The following ATG10 variants were observed in gnomAD, a reference collection of about 807,000 sequenced individuals.
ATG10 encodes autophagy related 10, also known as ubiquitin-like-conjugating enzyme ATG10.
ATG10 carries 30 observed loss-of-function variants against 32.1 expected under a neutral mutation model. That is an observed-to-expected ratio of 0.94 (90% CI 0.70 to 1.27). ATG10 has a LOEUF of 1.27. Ranked by LOEUF, ATG10 falls within the 50% of genes most tolerant of loss-of-function variation. The pLI is 0.00. For synonymous variants in ATG10, 87 were observed against 91.5 expected, an observed-to-expected ratio of 0.95 and a Z score of 0.28; for missense variants, 233 against 262.3, an observed-to-expected ratio of 0.89 and a Z score of 0.77.
intron 3 of ATG10, among the ~76,000 whole-genome samples, chr5:82,097,506 A>G (rs1024149750): frequency 2.0e-5 from 3 of 152,192 alleles, no homozygotes; most frequent in Non-Finnish European, 4.4e-5. Context: ...CCTCCGCAAA[A>G]AGATAGCCAT....
chr5:82,253,953 A>G (rs1228490774), intron 7 of ATG10, 115 bp from the exon 8 acceptor site: 2 of 153,908 alleles, frequency 1.3e-5, no homozygotes, highest in Non-Finnish European at 2.9e-5. Flanking sequence ...TGTAAGTAGC[A>G]TGCACTCAGT....
At chr5:82,227,567 G>A (rs1038446420) in intron 5 of ATG10, among the ~76,000 whole-genome samples, 8 of 151,980 alleles carry the variant, frequency 5.3e-5, no homozygotes, top group Non-Finnish European at 1.2e-4. Flanking sequence ...TAGAGACGGG[G>A]TTTCACCAAG....
intron 5 of ATG10, among the ~76,000 whole-genome samples, chr5:82,209,952 C>G (rs1745435038): frequency 1.3e-5 from 2 of 152,116 alleles, no homozygotes; most frequent in African/African-American, 2.4e-5. Flanking sequence ...TTAATCTGCT[C>G]TGAAAGTCTT....
Position 82,058,481 on chromosome 5 carries a change from G to A in ATG10, c.109-14G>A. The A allele has an allele frequency of 6.4e-7, 1 of 1,567,756 alleles. No individual in the cohort carries two copies. The highest frequency in any genetic ancestry group is 8.7e-7 in the Non-Finnish European group (1 of 1,144,708). ...TTGGCATTTTCTTATATATTTTTTG[G>A]TGATGAAACACAGGACTGTTCTGAT... On this transcript the variant is annotated splice_polypyrimidine_tract_variant and intron_variant, in intron 2 of 7. Coordinates refer to ENST00000282185, the MANE Select transcript of ATG10 (RefSeq NM_031482.5).
chr5:82,002,601 A>G (rs1479322563), intron 2 of ATG10, among the ~76,000 whole-genome samples: 4 of 152,208 alleles, frequency 2.6e-5, no homozygotes, highest in Admixed American at 1.3e-4. Context: ...TTGAGTACAT[A>G]TGGACACAAA....
chr5:82,142,781 G>T (rs942027030), intron 3 of ATG10, among the ~76,000 whole-genome samples: 12 of 152,148 alleles, frequency 7.9e-5, no homozygotes, highest in Non-Finnish European at 1.8e-4. Context: ...AAAGATTATG[G>T]AAATTGGGAA....
intron 5 of ATG10, among the ~76,000 whole-genome samples, chr5:82,222,979 A>G (rs1236449603): frequency 2.0e-5 from 3 of 152,248 alleles, no homozygotes; most frequent in Non-Finnish European, 2.9e-5. Flanking sequence ...TAATTCTGTT[A>G]AGCAAGTTGG....
At chr5:82,148,919 C>T (rs866574492) in intron 3 of ATG10, among the ~76,000 whole-genome samples, 1 of 152,088 alleles carries the variant, frequency 6.6e-6, no homozygotes, top group Non-Finnish European at 1.5e-5. Context: ...TTCCACCTAT[C>T]TCTGAAATAT....
At chr5:82,252,360 A>G (rs952808861) in intron 5 of ATG10, among the ~76,000 whole-genome samples, 1 of 152,270 alleles carries the variant, frequency 6.6e-6, no homozygotes, top group Non-Finnish European at 1.5e-5. Flanking sequence ...ATACTGCTTT[A>G]TCAATGAATA....
At chr5:82,122,437 T>G (rs1766081967) in intron 3 of ATG10, among the ~76,000 whole-genome samples, 1 of 152,100 alleles carries the variant, frequency 6.6e-6, no homozygotes, top group Non-Finnish European at 1.5e-5. Flanking sequence ...AATACCATCC[T>G]GGACATAGGA....
At chr5:82,191,754 C>T (rs1744670460) in intron 5 of ATG10, among the ~76,000 whole-genome samples, 1 of 152,078 alleles carries the variant, frequency 6.6e-6, no homozygotes, top group Non-Finnish European at 1.5e-5. Context: ...GGTCATGAAC[C>T]CCTTTTGAGA....
At chr5:82,096,854 C>A (rs1423971817) in intron 3 of ATG10, among the ~76,000 whole-genome samples, 2 of 152,056 alleles carry the variant, frequency 1.3e-5, no homozygotes, top group African/African-American at 4.8e-5. Flanking sequence ...TGCCCCAATC[C>A]TTTTTTTGTA....
intron 1 of ATG10, among the ~76,000 whole-genome samples, chr5:81,984,113 C>T (rs901619473): frequency 1.3e-5 from 2 of 152,270 alleles, no homozygotes; most frequent in African/African-American, 4.8e-5. Context: ...CGAGATCACG[C>T]CACTGCACTC....
intron 3 of ATG10, among the ~76,000 whole-genome samples, chr5:82,146,444 T>G (rs944034807): frequency 6.6e-6 from 1 of 152,080 alleles, no homozygotes; most frequent in Admixed American, 6.5e-5. Context: ...ACTTCTTGAG[T>G]CAGTAAATTT....
intron 3 of ATG10, among the ~76,000 whole-genome samples, chr5:82,148,537 A>G (rs1335822958): frequency 6.6e-6 from 1 of 152,172 alleles, no homozygotes; most frequent in East Asian, 1.9e-4. Context: ...CAGATTGAAT[A>G]TATATTTCTA....
intron 5 of ATG10, among the ~76,000 whole-genome samples, chr5:82,181,318 C>T (rs192802970): frequency 6.5e-4 from 99 of 152,210 alleles, no homozygotes; most frequent in African/African-American, 2.2e-3. Context: ...CATCACAGTG[C>T]GTGTCGAGGC....
intron 5 of ATG10, among the ~76,000 whole-genome samples, chr5:82,237,312 C>T (rs1432605169): frequency 1.3e-5 from 2 of 152,030 alleles, no homozygotes; most frequent in East Asian, 1.9e-4. Flanking sequence ...GAGTTCTGCC[C>T]GTCCTTTAAG....
intron 2 of ATG10, among the ~76,000 whole-genome samples, chr5:81,989,403 T>C (rs1761386679): frequency 6.6e-6 from 1 of 152,028 alleles, no homozygotes; most frequent in Non-Finnish European, 1.5e-5. Flanking sequence ...CAGGCTGAAC[T>C]TTGACAGGGT....
chr5:82,026,160 C>A (rs1762588891), intron 2 of ATG10, among the ~76,000 whole-genome samples: 1 of 152,130 alleles, frequency 6.6e-6, no homozygotes, highest in African/African-American at 2.4e-5. Flanking sequence ...TCCTCCAGCC[C>A]CTGGCAACCA....
Sources: allele counts gnomAD v4.1 joint callset (sites outside exome capture counted in the v4.1 genomes callset), GRCh38; gene constraint gnomAD v4.1.1; transcripts MANE v1.5; gene names NCBI Gene and HGNC (gene_info 2026-07-23, HGNC 2026-07-21).